Variants in AMN observed in about 807,000 individuals in gnomAD.
The protein encoded by AMN is protein amnionless.
Under a neutral mutation model 49.1 loss-of-function variants are expected in AMN, and 40 were observed. That is an observed-to-expected ratio of 0.81 (90% CI 0.63 to 1.06). The LOEUF (loss-of-function observed/expected upper bound fraction) is 1.06, where lower values mean the gene tolerates loss of function less well. Ranked by LOEUF, AMN falls within the 50% of genes least tolerant of loss-of-function variation. AMN has a pLI of 0.00. For missense variants in AMN, 701 were observed against 662.8 expected (o/e 1.06, Z -0.63); for synonymous variants, 380 against 313.3 (o/e 1.21, Z -2.25).
At position 102,928,390 on chromosome 14, in the gene AMN, C is replaced by T. The variant is rs1439737568; in HGVS notation, c.208-36C>T. On this transcript the variant is annotated intron_variant, in intron 3 of 11. Coordinates refer to ENST00000299155, the MANE Select transcript of AMN (RefSeq NM_030943.4). Reference sequence around the variant, plus strand: ...GGTGGGCGCGGAGCAGGCCCGGACCCCCGCGTGGCGCCGCCTCAGCCCGTG... The same window carrying T: ...GGTGGGCGCGGAGCAGGCCCGGACCTCCGCGTGGCGCCGCCTCAGCCCGTG... 5 of 1,549,416 alleles carry T rather than the reference C, an allele frequency of 3.2e-6. No individual in the cohort carries two copies. In the Admixed American group the frequency reaches 5.7e-5, roughly 18 times the overall value.
intron 3 of AMN, among the ~76,000 whole-genome samples, 192 bp downstream of exon 3, chr14:102,924,171 C>T (rs1038175710): frequency 2.6e-5 from 4 of 152,132 alleles, no homozygotes; most frequent in Admixed American, 2.0e-4. Context: ...CCCATGGTCC[C>T]AGCCAGGCTG....
intron 4 of AMN, 31 bp from the exon 5 acceptor site, chr14:102,928,727 C>G: frequency 6.3e-7 from 1 of 1,596,722 alleles, no homozygotes. Context: ...GGCGCTTGTT[C>G]CGTGGAGCTC....
intron 2 of AMN, 24 bp from the exon 3 acceptor site, chr14:102,923,911 G>T: frequency 6.2e-7 from 1 of 1,613,016 alleles, no homozygotes; most frequent in Non-Finnish European, 8.5e-7. Flanking sequence ...CTCCCGGCTC[G>T]GCTGAGGCAG....
chr14:102,928,228 C>A (rs1891230998), intron 3 of AMN, among the ~76,000 whole-genome samples, 198 bp from the exon 4 acceptor site: 2 of 152,260 alleles, frequency 1.3e-5, no homozygotes, highest in Admixed American at 1.3e-4. Flanking sequence ...GGGCCTTGCC[C>A]ACGCGGCCCC....
intron 3 of AMN, among the ~76,000 whole-genome samples, chr14:102,926,123 T>C (rs761999631): frequency 6.6e-6 from 1 of 152,212 alleles, no homozygotes; most frequent in Non-Finnish European, 1.5e-5. Context: ...GCCTGCAGTG[T>C]CCTGTGCTGA....
intron 3 of AMN, 135 bp from the exon 4 acceptor site, chr14:102,928,291 C>T: frequency 1.3e-6 from 1 of 752,234 alleles, no homozygotes; most frequent in African/African-American, 1.8e-5. Flanking sequence ...AGGCCGAGGA[C>T]CCCGGGCCTG....
chr14:102,923,507 A>G lies in AMN; in HGVS notation c.44-204A>G, dbSNP rs1056565606. 2.8e-4 allele frequency: 170 copies of G among 597,362 alleles called. No individual in the cohort carries two copies. In the Admixed American group the frequency reaches 3.6e-3, roughly 13 times the overall value. The allele number at this position is 597,362 out of a possible 1,614,324, so 37.0% of individuals were successfully genotyped here. A position where few individuals can be genotyped will look rare whatever the true frequency, so the allele number is the denominator to read the frequency against. On this transcript the variant is annotated intron_variant, in intron 1 of 11. Transcript: ENST00000299155. Reference sequence around the variant, plus strand: ...TTGAGCGGGCTCTGCAGGTATCAGTAGAAGTCCGTTGGAGAGCGCCCGGGC... The same window carrying G: ...TTGAGCGGGCTCTGCAGGTATCAGTGGAAGTCCGTTGGAGAGCGCCCGGGC...
Position 102,930,607 on chromosome 14 carries a change from A to C in AMN, c.1289A>C (p.Lys430Thr). Residue 430 changes from lysine (K) to threonine (T), a missense_variant, in exon 12 of 12, where the codon AAG becomes ACG. Transcript: ENST00000299155. The stretch of plus-strand genomic sequence containing the variant: ...CCGCGGCGGCTCAGCCTGGTTCCGA[A>C]GGCGGCCGCAGACAGCACCAGCCAC... ...PLPRRLSLVP[K>T]AAADSTSHSY... The C allele has an allele frequency of 6.3e-7, 1 of 1,589,456 alleles. No homozygotes were observed. Among genetic ancestry groups the C allele is most frequent in the Non-Finnish European group, 8.5e-7 (1 of 1,169,992 alleles).
chr14:102,924,706 A>G (rs967215253), intron 3 of AMN, among the ~76,000 whole-genome samples: 4 of 152,200 alleles, frequency 2.6e-5, no homozygotes, highest in African/African-American at 9.7e-5. Context: ...ACTGGGAGGA[A>G]AGCGGGTTCC....
chr14:102,925,072 G>A (rs894459837), intron 3 of AMN, among the ~76,000 whole-genome samples: 16 of 152,336 alleles, frequency 1.1e-4, no homozygotes, highest in African/African-American at 3.6e-4. Context: ...GGGTGACTGT[G>A]GGGCCTGCAG....
At position 102,930,629 on chromosome 14, in the gene AMN, CCA is replaced by C. The variant is rs386834167; in HGVS notation, c.1314_1315del (p.His438GlnfsTer?). On this transcript the variant is annotated frameshift_variant, in exon 12 of 12. Transcript: ENST00000299155. LOFTEE classifies it high-confidence loss of function. The stretch of plus-strand genomic sequence containing the variant: ...CGAAGGCGGCCGCAGACAGCACCAG[CCA>C]CAGTTACTTCGTCAACCCTCTGTTC... ...VPKAAADSTS[H>X]SYFVNPLFAG... 1.1e-5 allele frequency: 17 copies of C among 1,601,384 alleles called. No homozygotes were observed. The highest frequency in any genetic ancestry group is 2.7e-5 in the African/African-American group (2 of 74,688).
At chr14:102,928,681 A>G in intron 4 of AMN, 77 bp from the exon 5 acceptor site, 2 of 1,532,462 alleles carry the variant, frequency 1.3e-6, no homozygotes, top group Non-Finnish European at 1.8e-6. Context: ...TCGTGCTCAG[A>G]CGCGTGGCGT....
At chr14:102,924,097 G>C (rs548601484) in intron 3 of AMN, 118 bp downstream of exon 3, 1 of 1,435,592 alleles carries the variant, frequency 7.0e-7, no homozygotes, top group Non-Finnish European at 9.7e-7. Context: ...GCAGGACTGG[G>C]ACTTTGGCCT....
In AMN at chr14:102,930,694, C is replaced by T. The variant is rs773644598; in HGVS notation, c.*14C>T. On this transcript the variant is annotated 3_prime_UTR_variant, in exon 12 of 12. Transcript: ENST00000299155. ...GCCGAGGCCTGAGCGGCCGCCTGAC[C>T]GTCGACCTTGGGGCTCTCCACCCGC... 7.0e-6 allele frequency: 11 copies of T among 1,566,822 alleles called. No homozygotes were observed. The African/African-American group carries it at 1.1e-4, about 15-fold the overall frequency.
chr14:102,930,240 T>G lies in AMN; in HGVS notation c.1082T>G (p.Leu361Arg). 7.2e-7 allele frequency: 1 copy of G among 1,384,438 alleles called. No homozygotes were observed. 85.8% of individuals were successfully genotyped at this position (1,384,438 alleles called of 1,614,324 possible). A position where few individuals can be genotyped will look rare whatever the true frequency, so the allele number is the denominator to read the frequency against. ...AHVWGSSAAGLAGGVAAAVLL... is the reference protein window; with the variant it reads ...AHVWGSSAAGRAGGVAAAVLL... Reference sequence around the variant, plus strand: ...GTCTGGGGCAGCTCCGCGGCTGGGCTGGCGGGCGGCGTGGCGGCTGCCGTG... The same window carrying G: ...GTCTGGGGCAGCTCCGCGGCTGGGCGGGCGGGCGGCGTGGCGGCTGCCGTG... Residue 361 changes from leucine (L) to arginine (R), a missense_variant, in exon 10 of 12, where the codon CTG becomes CGG. By Grantham distance (102) the Leu-to-Arg change is moderately radical. Coordinates refer to ENST00000299155, the MANE Select transcript of AMN (RefSeq NM_030943.4).
chr14:102,923,830 G>A lies in AMN; in HGVS notation c.162+1G>A, dbSNP rs1309673597. ...CGCCGTTGAGTTCCCGGCGGACAAGGTGCCTGGGAGCGCCGGCGGGGTCGG... is the reference window on the plus strand; with the variant it reads ...CGCCGTTGAGTTCCCGGCGGACAAGATGCCTGGGAGCGCCGGCGGGGTCGG... On this transcript the variant is annotated splice_donor_variant, in intron 2 of 11. Coordinates refer to ENST00000299155, the MANE Select transcript of AMN (RefSeq NM_030943.4). LOFTEE classifies it high-confidence loss of function. 3 of 1,612,482 alleles carry A rather than the reference G, an allele frequency of 1.9e-6. No individual in the cohort carries two copies. The highest frequency in any genetic ancestry group is 2.7e-5 in the African/African-American group (2 of 75,044).
Position 102,930,750 on chromosome 14 carries a change from C to A in AMN, c.*70C>A, listed in dbSNP as rs1485251276. 6.8e-7 allele frequency: 1 copy of A among 1,474,640 alleles called. No individual in the cohort carries two copies. Among genetic ancestry groups the A allele is most frequent in the Non-Finnish European group, 9.2e-7 (1 of 1,086,482 alleles). The allele number at this position is 1,474,640 out of a possible 1,614,324, so 91.3% of individuals were successfully genotyped here. On this transcript the variant is annotated 3_prime_UTR_variant, in exon 12 of 12. Transcript: ENST00000299155. ...CCCCAGTCGAACTGGGGGCTAGCCACCTCCTCGTCCAGCCCCCAAACCTCC... is the reference window on the plus strand; with the variant it reads ...CCCCAGTCGAACTGGGGGCTAGCCAACTCCTCGTCCAGCCCCCAAACCTCC...
At chr14:102,922,775 T>C in intron 1 of AMN, 44 bp downstream of exon 1, 1 of 1,556,690 alleles carries the variant, frequency 6.4e-7, no homozygotes, top group South Asian at 1.2e-5. Flanking sequence ...GGTAGCGGTC[T>C]GTCAGGACCC....
At chr14:102,924,964 C>T (rs1396358128) in intron 3 of AMN, among the ~76,000 whole-genome samples, 7 of 152,200 alleles carry the variant, frequency 4.6e-5, no homozygotes, top group African/African-American at 1.2e-4. Flanking sequence ...CACACCTCAG[C>T]GACAGTAAAT....
Sources: gnomAD v4.1 joint callset for allele counts (sites outside exome capture counted in the v4.1 genomes callset) on GRCh38, gnomAD v4.1.1 for gene constraint, MANE v1.5 for transcripts, NCBI Gene and HGNC (gene_info 2026-07-23, HGNC 2026-07-21) for gene names.